ABCC5: variants seen among roughly 807,000 people sequenced by gnomAD.
ABCC5 encodes ATP-binding cassette sub-family C member 5.
ABCC5 carries 61 observed loss-of-function variants against 160.9 expected under a neutral mutation model. The ratio of observed to expected loss-of-function variants is 0.38; its 90% confidence interval spans 0.31 to 0.47. ABCC5 has a LOEUF of 0.47. Among genes scored for constraint, ABCC5 ranks in the 20% least tolerant of loss-of-function variants. The pLI is 0.99. For synonymous variants in ABCC5, 666 were observed against 700.6 expected (o/e 0.95, Z 0.78); for missense variants, 1,308 against 1,813.3 (o/e 0.72, Z 5.06).
At chr3:183,929,672 G>A (rs543605967) in intron 26 of ABCC5, among the ~76,000 whole-genome samples, 1 of 152,278 alleles carries the variant, frequency 6.6e-6, no homozygotes, top group African/African-American at 2.4e-5. Flanking sequence ...CCAGTTTGGG[G>A]ACCATTTTTG....
chr3:183,956,647 C>CA (rs1560004542), intron 17 of ABCC5, among the ~76,000 whole-genome samples: 2 of 138,752 alleles, frequency 1.4e-5, no homozygotes, highest in Non-Finnish European at 3.1e-5. Context: ...TAAATCACAT[C>CA]GGTTACATGC....
rs1048268791 is a variant in ABCC5 at position 183,963,996 on chromosome 3, C to T, written c.2032-408G>A. On this transcript the variant is annotated intron_variant, in intron 14 of 29. Coordinates refer to ENST00000334444, the MANE Select transcript of ABCC5 (RefSeq NM_005688.4). The surrounding 1 kb of genome is among the most constrained non-coding windows in gnomAD (Gnocchi z 4.6). ...TCCAAACATGGCATACAAACCAGAC[C>T]CTTTGTCACCCAGTTCCCCAGCAGT... is the stretch of plus-strand genomic sequence containing the variant. Among the ~76,000 whole-genome samples the T allele has an allele frequency of 1.3e-5, 2 of 152,194 alleles. No homozygotes were observed. The highest frequency in any genetic ancestry group is 2.9e-5 in the Non-Finnish European group (2 of 68,046).
Position 183,987,982 on chromosome 3 carries a change from C to T in ABCC5, c.444-65G>A. 6.4e-7 allele frequency: 1 copy of T among 1,564,038 alleles called. No homozygotes were observed. Among genetic ancestry groups the T allele is most frequent in the Non-Finnish European group, 8.7e-7 (1 of 1,149,994 alleles). On this transcript the variant is annotated intron_variant, in intron 4 of 29. Transcript: ENST00000334444. This position sits in a 1 kb window ranked among gnomAD's most constrained non-coding sequence, Gnocchi z 4.2. Reference sequence around the variant, plus strand: ...GGGAAAGGCACACCTAGCTCCCCGCCTGCCACCACTTTTTGTCTCCAGGTT... The same window carrying T: ...GGGAAAGGCACACCTAGCTCCCCGCTTGCCACCACTTTTTGTCTCCAGGTT...
chr3:183,993,027 G>A (rs1330847828), intron 2 of ABCC5, among the ~76,000 whole-genome samples: 1 of 152,172 alleles, frequency 6.6e-6, no homozygotes, highest in African/African-American at 2.4e-5. Flanking sequence ...TGTAATGCAG[G>A]TCTACTGATG....
intron 17 of ABCC5, among the ~76,000 whole-genome samples, chr3:183,953,783 C>T (rs898771310): frequency 2.0e-5 from 3 of 152,056 alleles, no homozygotes; most frequent in African/African-American, 4.8e-5. Flanking sequence ...AGCACAGGCA[C>T]GGGGTAGCAA....
At chr3:183,976,171 T>C (rs1261765585) in intron 10 of ABCC5, among the ~76,000 whole-genome samples, 7 of 151,916 alleles carry the variant, frequency 4.6e-5, no homozygotes, top group African/African-American at 1.7e-4. Flanking sequence ...CTTTCTCTCT[T>C]CTCTCCTTCC....
chr3:183,944,954 T>A (rs1405336836), intron 24 of ABCC5, among the ~76,000 whole-genome samples: 1 of 152,210 alleles, frequency 6.6e-6, no homozygotes, highest in African/African-American at 2.4e-5. Context: ...GGGGGTGGAC[T>A]TCCCCCTTGC....
In ABCC5 at chr3:183,963,735, G is replaced by A; in HGVS notation, c.2032-147C>T. 2.6e-6 allele frequency: 2 copies of A among 757,466 alleles called. No homozygotes were observed. The highest frequency in any genetic ancestry group is 3.6e-5 in the South Asian group (2 of 54,928). The allele number at this position is 757,466 out of a possible 1,614,324, so 46.9% of individuals were successfully genotyped here. A position where few individuals can be genotyped will look rare whatever the true frequency, so the allele number is the denominator to read the frequency against. ...TGAACTGCCATGCTGATTCCCCGCAGATGAACTGCCATGCTGATCCTTCAA... is the reference window on the plus strand; with the variant it reads ...TGAACTGCCATGCTGATTCCCCGCAAATGAACTGCCATGCTGATCCTTCAA... On this transcript the variant is annotated intron_variant, in intron 14 of 29. Coordinates refer to ENST00000334444, the MANE Select transcript of ABCC5 (RefSeq NM_005688.4). This position sits in a 1 kb window ranked among gnomAD's most constrained non-coding sequence, Gnocchi z 4.6.
chr3:183,958,676 C>T (rs534284836), intron 17 of ABCC5, among the ~76,000 whole-genome samples: 11 of 151,516 alleles, frequency 7.3e-5, no homozygotes, highest in Non-Finnish European at 1.3e-4. Context: ...TTGTCAGGAT[C>T]TCACTCGGTC....
intron 16 of ABCC5, 81 bp downstream of exon 16, chr3:183,961,430 G>C: frequency 6.5e-7 from 1 of 1,527,164 alleles, no homozygotes; most frequent in Non-Finnish European, 8.9e-7. Context: ...GGATTCAGCT[G>C]AGGTCTCTCC....
In ABCC5 at chr3:183,963,247, G is replaced by C; in HGVS notation, c.2235+138C>G. 1.2e-6 allele frequency: 1 copy of C among 843,068 alleles called. No homozygotes were observed. Among genetic ancestry groups the C allele is most frequent in the African/African-American group, 1.7e-5 (1 of 59,662 alleles). The allele number at this position is 843,068 out of a possible 1,614,324, so 52.2% of individuals were successfully genotyped here. ...GGTACAGTGAGCTTTATTGGTACAG[G>C]GGGCTAATTTGCTAAGAAAATGAAA... On this transcript the variant is annotated intron_variant, in intron 15 of 29. Transcript: ENST00000334444. This position sits in a 1 kb window ranked among gnomAD's most constrained non-coding sequence, Gnocchi z 4.6.
intron 12 of ABCC5, among the ~76,000 whole-genome samples, chr3:183,966,573 G>A (rs889315171): frequency 6.6e-6 from 1 of 152,130 alleles, no homozygotes; most frequent in Non-Finnish European, 1.5e-5. Context: ...CAGCACTTAC[G>A]AATTGACCTT....
chr3:184,009,775 G>C (rs766228803), intron 2 of ABCC5: 3 of 220,740 alleles, frequency 1.4e-5, no homozygotes, highest in East Asian at 1.1e-4. Context: ...AACAGAAAGA[G>C]AGTAGAATAA....
At chr3:183,929,508 G>A (rs1001206785) in intron 26 of ABCC5, among the ~76,000 whole-genome samples, 7 of 152,220 alleles carry the variant, frequency 4.6e-5, no homozygotes, top group African/African-American at 1.7e-4. Flanking sequence ...TCTTTCTCTT[G>A]GTTTACCTGG....
In ABCC5 at chr3:184,017,615, A is replaced by T. The variant is rs968297053; in HGVS notation, c.-56+215T>A. Reference sequence around the variant, plus strand: ...TCCCGATCCTACCTGCCTGTCTTCCAGCACACGACCCCGTCACCAGACCCC... The same window carrying T: ...TCCCGATCCTACCTGCCTGTCTTCCTGCACACGACCCCGTCACCAGACCCC... On this transcript the variant is annotated intron_variant, in intron 1 of 29. Transcript: ENST00000334444. The surrounding 1 kb of genome is among the most constrained non-coding windows in gnomAD (Gnocchi z 4.5). Among the ~76,000 whole-genome samples the T allele has an allele frequency of 1.3e-5, 2 of 151,964 alleles. No individual in the cohort carries two copies. Among genetic ancestry groups the T allele is most frequent in the Non-Finnish European group, 2.9e-5 (2 of 67,960 alleles).
In ABCC5 at chr3:183,987,558, T is replaced by C; in HGVS notation, c.591+212A>G. The C allele has an allele frequency of 1.5e-6, 1 of 661,262 alleles. No homozygotes were observed. The highest frequency in any genetic ancestry group is 1.8e-5 in the South Asian group (1 of 55,438). The allele number at this position is 661,262 out of a possible 1,614,324, so 41.0% of individuals were successfully genotyped here. ...GTTCCATTTCACCCCCACCCAGAAA[T>C]CAAGCCAGTTCCATTTCTTCTCTGG... is the stretch of plus-strand genomic sequence containing the variant. On this transcript the variant is annotated intron_variant, in intron 5 of 29. Transcript: ENST00000334444. This position sits in a 1 kb window ranked among gnomAD's most constrained non-coding sequence, Gnocchi z 4.2.
In ABCC5 at chr3:183,987,306, T is replaced by C. The variant is rs992309771; in HGVS notation, c.591+464A>G. ...ACGGACTCCAGGTCAGACTCTAAAA[T>C]CCTCGACAGTCCTCTAGTTTTCTCA... On this transcript the variant is annotated intron_variant, in intron 5 of 29. Transcript: ENST00000334444. The surrounding 1 kb of genome is among the most constrained non-coding windows in gnomAD (Gnocchi z 4.2). The C allele has an allele frequency of 5.3e-5, 15 of 285,462 alleles. No homozygotes were observed. Among genetic ancestry groups the C allele is most frequent in the African/African-American group, 2.8e-4 (13 of 46,520 alleles). The allele number at this position is 285,462 out of a possible 1,614,324, so 17.7% of individuals were successfully genotyped here.
At position 183,938,353 on chromosome 3, in the gene ABCC5, C is replaced by T. The variant is rs530446020; in HGVS notation, c.3695-293G>A. 5.3e-5 allele frequency among the ~76,000 whole-genome samples: 8 copies of T among 151,894 alleles called. No homozygotes were observed. The East Asian group carries it at 1.2e-3, about 22-fold the overall frequency. On this transcript the variant is annotated intron_variant, in intron 25 of 29. Transcript: ENST00000334444. The stretch of plus-strand genomic sequence containing the variant: ...TCACTCTGCTGCCCAGGCTGGAGTG[C>T]GGTGGTGCGATCTCGGCTCACTGCA...
intron 16 of ABCC5, among the ~76,000 whole-genome samples, chr3:183,961,008 C>T (rs998982651): frequency 6.6e-6 from 1 of 152,054 alleles, no homozygotes; most frequent in African/African-American, 2.4e-5. Context: ...AAGCTGGTGT[C>T]GAATTCCTGG....
Sources: allele counts gnomAD v4.1 joint callset (sites outside exome capture counted in the v4.1 genomes callset), GRCh38; gene constraint gnomAD v4.1.1; non-coding constraint Gnocchi (gnomAD v3.1); transcripts MANE v1.5; gene names NCBI Gene and HGNC (gene_info 2026-07-23, HGNC 2026-07-21).